C8orf34: variants seen among roughly 807,000 people sequenced by gnomAD.
C8orf34 encodes chromosome 8 open reading frame 34, also known as uncharacterized protein C8orf34.
Under a neutral mutation model 68.3 loss-of-function variants are expected in C8orf34, and 65 were observed. The observed-to-expected ratio is 0.95, with a 90% CI of 0.78 to 1.17. C8orf34 has a LOEUF of 1.17. Ranked by LOEUF, C8orf34 falls within the 50% of genes most tolerant of loss-of-function variation. The probability of loss-of-function intolerance (pLI) is 0.00; values close to 1 mark genes in which losing one functional copy is unlikely to be tolerated. For missense variants in C8orf34, 664 were observed against 655.4 expected, an observed-to-expected ratio of 1.01 and a Z score of -0.14; for synonymous variants, 244 against 241.2, an observed-to-expected ratio of 1.01 and a Z score of -0.11.
In C8orf34 at chr8:68,734,608, A is replaced by T. The variant is rs561100838; in HGVS notation, c.1404+13171A>T. On this transcript the variant is annotated intron_variant, in intron 10 of 13. Coordinates refer to ENST00000518698, the MANE Select transcript of C8orf34 (RefSeq NM_052958.4). Reference sequence around the variant, plus strand: ...TGTCTTCTGGCCAGTGCCCCACCTCATTGCCATTATTGTAGAAACCTCTTC... The same window carrying T: ...TGTCTTCTGGCCAGTGCCCCACCTCTTTGCCATTATTGTAGAAACCTCTTC... Among the ~76,000 whole-genome samples the T allele has an allele frequency of 4.6e-5, 7 of 152,152 alleles. No individual in the cohort carries two copies. In the East Asian group the frequency reaches 1.4e-3, roughly 29 times the overall value.
intron 10 of C8orf34, among the ~76,000 whole-genome samples, chr8:68,773,692 G>A (rs1823419299): frequency 6.6e-6 from 1 of 152,018 alleles, no homozygotes; most frequent in Non-Finnish European, 1.5e-5. Flanking sequence ...GCCCCTCCGA[G>A]AGTCTTTTGC....
At chr8:68,679,853 G>A (rs936027899) in intron 8 of C8orf34, among the ~76,000 whole-genome samples, 5 of 152,134 alleles carry the variant, frequency 3.3e-5, no homozygotes, top group African/African-American at 9.7e-5. Context: ...TCAATAAATG[G>A]TGCTGGGAAA....
chr8:68,593,276 T>C (rs537367848), intron 7 of C8orf34, among the ~76,000 whole-genome samples: 3 of 152,266 alleles, frequency 2.0e-5, no homozygotes, highest in Admixed American at 2.0e-4. Flanking sequence ...TGTCTTAGTA[T>C]AGTGTTATAA....
chr8:68,371,942 T>C (rs1013028697), intron 1 of C8orf34, among the ~76,000 whole-genome samples: 21 of 152,176 alleles, frequency 1.4e-4, no homozygotes, highest in African/African-American at 5.1e-4. Context: ...ACAGTAATGG[T>C]CAAATGTAAC....
chr8:68,491,179 A>T (rs1017445576), intron 5 of C8orf34, among the ~76,000 whole-genome samples: 2 of 152,182 alleles, frequency 1.3e-5, no homozygotes, highest in African/African-American at 4.8e-5. Flanking sequence ...GAAAGGTAAT[A>T]AGAATCATTA....
At chr8:68,679,694 A>G (rs1417631921) in intron 8 of C8orf34, among the ~76,000 whole-genome samples, 1 of 152,200 alleles carries the variant, frequency 6.6e-6, no homozygotes, top group Admixed American at 6.5e-5. Flanking sequence ...ACAGGGCTAT[A>G]ATAAATAAAA....
intron 4 of C8orf34, among the ~76,000 whole-genome samples, chr8:68,484,890 A>G (rs1293202312): frequency 1.3e-5 from 2 of 152,256 alleles, no homozygotes; most frequent in Non-Finnish European, 2.9e-5. Context: ...TTATTTGGAT[A>G]ATTTCTCAGG....
intron 5 of C8orf34, among the ~76,000 whole-genome samples, chr8:68,507,681 C>T (rs1319943135): frequency 6.6e-6 from 1 of 152,178 alleles, no homozygotes; most frequent in Non-Finnish European, 1.5e-5. Context: ...GCAACTTCCT[C>T]AGCTTACTTA....
At chr8:68,680,172 C>T (rs1820325389) in intron 8 of C8orf34, among the ~76,000 whole-genome samples, 1 of 152,064 alleles carries the variant, frequency 6.6e-6, no homozygotes, top group Admixed American at 6.6e-5. Flanking sequence ...GAAAACTATC[C>T]ACTTGACAAG....
At chr8:68,516,725 C>T (rs1814535640) in intron 5 of C8orf34, among the ~76,000 whole-genome samples, 1 of 152,044 alleles carries the variant, frequency 6.6e-6, no homozygotes, top group Non-Finnish European at 1.5e-5. Context: ...ATTGCAACCT[C>T]CTCCTCCCAG....
intron 4 of C8orf34, among the ~76,000 whole-genome samples, chr8:68,479,735 TC>T (rs1812779235): frequency 6.6e-6 from 1 of 152,136 alleles, no homozygotes; most frequent in Admixed American, 6.5e-5. Context: ...AACTTTGAGG[TC>T]CTATACAGTA....
intron 12 of C8orf34, among the ~76,000 whole-genome samples, chr8:68,810,379 A>T (rs7818050): frequency 0.071 from 10,833 of 152,010 alleles, 743 homozygotes; most frequent in African/African-American, 0.18. Flanking sequence ...GCAGTGAAGA[A>T]TGTGGTGGTG....
At chr8:68,789,160 A>G (rs1351327155) in intron 12 of C8orf34, among the ~76,000 whole-genome samples, 1 of 152,136 alleles carries the variant, frequency 6.6e-6, no homozygotes, top group Non-Finnish European at 1.5e-5. Flanking sequence ...AATTCTTTTG[A>G]GGCCTTCGAA....
intron 1 of C8orf34, among the ~76,000 whole-genome samples, chr8:68,400,773 C>G (rs1324085821): frequency 6.6e-6 from 1 of 152,002 alleles, no homozygotes; most frequent in African/African-American, 2.4e-5. Context: ...GTTACTATAC[C>G]CTTGCAACAT....
At chr8:68,426,103 G>A (rs562808094) in intron 1 of C8orf34, among the ~76,000 whole-genome samples, 15 of 152,146 alleles carry the variant, frequency 9.9e-5, no homozygotes, top group Non-Finnish European at 8.8e-5. Flanking sequence ...CCTAGGACTT[G>A]CTGAAGATGA....
In C8orf34 at chr8:68,396,813, C is replaced by A. The variant is rs565709170; in HGVS notation, c.328-42686C>A. On this transcript the variant is annotated intron_variant, in intron 1 of 13. Coordinates refer to ENST00000518698, the MANE Select transcript of C8orf34 (RefSeq NM_052958.4). ...TCTCTGCACAGCCAGCTCCCCTTCA[C>A]CTTCTGCCATGAGGGGAAGCAGCTT... is the stretch of plus-strand genomic sequence containing the variant. 2.1e-4 allele frequency among the ~76,000 whole-genome samples: 32 copies of A among 150,490 alleles called. No homozygotes were observed. The South Asian group carries it at 6.8e-3, about 32-fold the overall frequency.
chr8:68,482,915 A>G (rs1193414740), intron 4 of C8orf34, among the ~76,000 whole-genome samples: 1 of 152,180 alleles, frequency 6.6e-6, no homozygotes, highest in Non-Finnish European at 1.5e-5. Context: ...ATTTTATTTC[A>G]CAGTTGAAAA....
At chr8:68,787,675 A>G in intron 12 of C8orf34, 139 bp downstream of exon 12, 1 of 542,880 alleles carries the variant, frequency 1.8e-6, no homozygotes. Context: ...ACATGTAAAG[A>G]CAAGCTATCC....
intron 6 of C8orf34, among the ~76,000 whole-genome samples, chr8:68,528,064 C>A (rs983396153): frequency 2.0e-5 from 3 of 152,222 alleles, no homozygotes; most frequent in Non-Finnish European, 4.4e-5. Context: ...AATTTGCTAA[C>A]TGCCAGCCAT....
Sources: gnomAD v4.1 joint callset for allele counts (sites outside exome capture counted in the v4.1 genomes callset) on GRCh38, gnomAD v4.1.1 for gene constraint, MANE v1.5 for transcripts, NCBI Gene and HGNC (gene_info 2026-07-23, HGNC 2026-07-21) for gene names.